Variants in EFCAB11 observed in about 807,000 individuals in gnomAD.
EFCAB11 encodes the protein EF-hand calcium binding domain 11, also known as EF-hand calcium-binding domain-containing protein 11.
A neutral mutation model predicts 23.0 loss-of-function variants in EFCAB11; 14 were observed. That is an observed-to-expected ratio of 0.61 (90% confidence interval 0.40 to 0.95). The LOEUF is 0.95. Among genes scored for constraint, EFCAB11 ranks in the 40% least tolerant of loss-of-function variants. EFCAB11 has a pLI of 0.00. For missense variants in EFCAB11, 198 were observed against 195.8 expected (o/e 1.01, Z -0.07); for synonymous variants, 65 against 66.6 (o/e 0.98, Z 0.11).
intron 5 of EFCAB11, among the ~76,000 whole-genome samples, chr14:89,881,404 A>G (rs901746064): frequency 1.6e-5 from 2 of 128,068 alleles, no homozygotes; most frequent in Non-Finnish European, 3.3e-5. Flanking sequence ...ATTTTTATCT[A>G]AACTATTTTT....
intron 5 of EFCAB11, among the ~76,000 whole-genome samples, chr14:89,834,370 C>G (rs908608951): frequency 1.2e-5 from 1 of 80,194 alleles, no homozygotes; most frequent in Non-Finnish European, 2.2e-5. Context: ...AGTGAGACTC[C>G]GTCTCAAAAA....
intron 5 of EFCAB11, among the ~76,000 whole-genome samples, chr14:89,813,743 T>C (rs957755682): frequency 1.3e-5 from 2 of 151,390 alleles, no homozygotes; most frequent in Admixed American, 1.3e-4. Context: ...AGCTGATAGC[T>C]GAGGGAAAAT....
intron 5 of EFCAB11, among the ~76,000 whole-genome samples, chr14:89,853,698 A>G (rs1399013430): frequency 6.6e-6 from 1 of 152,258 alleles, no homozygotes; most frequent in Non-Finnish European, 1.5e-5. Context: ...ATGGCATCAT[A>G]CAAAATGACA....
intron 5 of EFCAB11, among the ~76,000 whole-genome samples, chr14:89,920,403 AC>A (rs1448628418): frequency 1.3e-5 from 2 of 152,186 alleles, no homozygotes; most frequent in Non-Finnish European, 2.9e-5. Flanking sequence ...CATGCTTCCT[AC>A]CTTCAGGGTC....
At chr14:89,871,619 T>C (rs1480910665) in intron 5 of EFCAB11, among the ~76,000 whole-genome samples, 1 of 152,212 alleles carries the variant, frequency 6.6e-6, no homozygotes, top group East Asian at 1.9e-4. Flanking sequence ...TTGCACCTTT[T>C]CCTCCCAAAT....
intron 5 of EFCAB11, among the ~76,000 whole-genome samples, chr14:89,924,974 A>G (rs1890143411): frequency 6.6e-6 from 1 of 152,268 alleles, no homozygotes; most frequent in South Asian, 2.1e-4. Context: ...AAGAACTTGT[A>G]CTAATTTATG....
intron 5 of EFCAB11, chr14:89,799,408 A>G (rs998277963): frequency 2.6e-5 from 4 of 152,188 alleles, no homozygotes; most frequent in African/African-American, 9.7e-5. Context: ...ACTGTTTTTC[A>G]TTGCAGACAG....
At chr14:89,924,350 A>G in intron 5 of EFCAB11, 2 of 1,128,354 alleles carry the variant, frequency 1.8e-6, no homozygotes, top group Non-Finnish European at 2.2e-6. Context: ...ACTTTACATC[A>G]TCATGTGGCA....
At chr14:89,820,365 G>T (rs1886471866) in intron 5 of EFCAB11, among the ~76,000 whole-genome samples, 1 of 152,068 alleles carries the variant, frequency 6.6e-6, no homozygotes, top group South Asian at 2.1e-4. Context: ...GAATTCCCCA[G>T]CAAAATATTC....
chr14:89,854,529 T>A (rs1887692207), intron 5 of EFCAB11, among the ~76,000 whole-genome samples: 1 of 152,144 alleles, frequency 6.6e-6, no homozygotes, highest in Non-Finnish European at 1.5e-5. Flanking sequence ...GAACTGGACA[T>A]CATCAGATAC....
rs774758332 is a variant in EFCAB11 at position 89,876,336 on chromosome 14, G to A, written c.410+55205C>T. The stretch of plus-strand genomic sequence containing the variant: ...GTATTTAGATCACATCCTAAGGTCA[G>A]AGGGTGCTGGGCCTCTTGGTCATGC... On this transcript the variant is annotated intron_variant, in intron 5 of 5. Coordinates refer to ENST00000316738, the MANE Select transcript of EFCAB11 (RefSeq NM_145231.4). Among the ~76,000 whole-genome samples, 34 of 152,162 alleles carry A rather than the reference G, an allele frequency of 2.2e-4. 1 individual carries two copies. Among genetic ancestry groups the A allele is most frequent in the Non-Finnish European group, 7.4e-5 (5 of 68,022 alleles).
intron 5 of EFCAB11, among the ~76,000 whole-genome samples, chr14:89,831,830 C>G (rs889569581): frequency 3.9e-5 from 6 of 152,174 alleles, no homozygotes; most frequent in Non-Finnish European, 8.8e-5. Context: ...AGCAAATTTT[C>G]TCAAATACAA....
chr14:89,847,059 T>G (rs1887452022), intron 5 of EFCAB11, among the ~76,000 whole-genome samples: 3 of 152,210 alleles, frequency 2.0e-5, no homozygotes, highest in Admixed American at 1.3e-4. Flanking sequence ...TTATACCAGT[T>G]TTCTCCACTT....
chr14:89,929,030 C>T (rs1345979940), intron 5 of EFCAB11, among the ~76,000 whole-genome samples: 5 of 121,312 alleles, frequency 4.1e-5, no homozygotes, highest in Non-Finnish European at 3.5e-5. Flanking sequence ...TAAATACATA[C>T]ATATATATAT....
chr14:89,942,315 T>A (rs757822117), intron 3 of EFCAB11, among the ~76,000 whole-genome samples: 2 of 152,228 alleles, frequency 1.3e-5, no homozygotes, highest in South Asian at 2.1e-4. Flanking sequence ...CAGATCTGCA[T>A]GATAACTGTT....
chr14:89,823,069 T>G (rs976853309), intron 5 of EFCAB11, among the ~76,000 whole-genome samples: 2 of 152,188 alleles, frequency 1.3e-5, no homozygotes, highest in Admixed American at 1.3e-4. Context: ...CTATAACTCC[T>G]GTGATTGTTA....
intron 5 of EFCAB11, among the ~76,000 whole-genome samples, chr14:89,890,285 T>C (rs1888922821): frequency 6.6e-6 from 1 of 152,188 alleles, no homozygotes; most frequent in South Asian, 2.1e-4. Flanking sequence ...CGAAAATAAA[T>C]ATTTAGCTTA....
At chr14:89,868,402 C>T (rs952639558) in intron 5 of EFCAB11, among the ~76,000 whole-genome samples, 1 of 152,128 alleles carries the variant, frequency 6.6e-6, no homozygotes, top group African/African-American at 2.4e-5. Flanking sequence ...TATAAAGATA[C>T]AAAACATTCC....
intron 5 of EFCAB11, among the ~76,000 whole-genome samples, chr14:89,844,120 A>C (rs1044467249): frequency 6.6e-6 from 1 of 152,254 alleles, no homozygotes; most frequent in African/African-American, 2.4e-5. Context: ...TCTGATTTCA[A>C]CTTAAACAAT....
Sources: allele counts gnomAD v4.1 joint callset (sites outside exome capture counted in the v4.1 genomes callset), GRCh38; gene constraint gnomAD v4.1.1; transcripts MANE v1.5; gene names NCBI Gene and HGNC (gene_info 2026-07-23, HGNC 2026-07-21).